CAST: variants seen among roughly 807,000 people sequenced by gnomAD.
The protein encoded by CAST is calpastatin.
In CAST, 76 loss-of-function variants were observed where a neutral mutation model predicts 119.6. The observed-to-expected ratio is 0.64, with a 90% CI of 0.53 to 0.77. The LOEUF (loss-of-function observed/expected upper bound fraction) is 0.77. Among genes scored for constraint, CAST ranks in the 30% least tolerant of loss-of-function variants. CAST has a pLI of 0.00. For synonymous variants in CAST, 319 were observed against 331.6 expected, an observed-to-expected ratio of 0.96 and a Z score of 0.41; for missense variants, 953 against 946.5, an observed-to-expected ratio of 1.01 and a Z score of -0.09.
chr5:96,519,634 TCTCA>T, the CAST span, among the ~76,000 whole-genome samples: 1 of 152,168 alleles, frequency 6.6e-6, no homozygotes, highest in African/African-American at 2.4e-5. Flanking sequence ...CAAGATGGTG[TCTCA>T]CTCTGTTGTC....
the CAST span, among the ~76,000 whole-genome samples, chr5:96,144,432 T>G: frequency 6.6e-6 from 1 of 152,192 alleles, no homozygotes; most frequent in Non-Finnish European, 1.5e-5. Context: ...TGACTTGCTT[T>G]GGGAAGCTCA....
chr5:96,090,668 G>A, the CAST span, among the ~76,000 whole-genome samples: 1 of 152,006 alleles, frequency 6.6e-6, no homozygotes, highest in Admixed American at 6.6e-5. Flanking sequence ...TAAAAATCAT[G>A]TCTGTGTTGG....
At chr5:96,722,951 T>C (rs1370917119) in intron 4 of CAST, among the ~76,000 whole-genome samples, 1 of 152,176 alleles carries the variant, frequency 6.6e-6, no homozygotes, top group Non-Finnish European at 1.5e-5. Context: ...TGTTTTGTTT[T>C]GTTTTGTTTT....
chr5:96,006,502 A>G, the CAST span, among the ~76,000 whole-genome samples: 9 of 152,322 alleles, frequency 5.9e-5, no homozygotes, highest in African/African-American at 1.9e-4. Context: ...GTCATCGAGC[A>G]CAATCATTTA....
the CAST span, among the ~76,000 whole-genome samples, chr5:96,300,070 CTGT>C: frequency 1.3e-5 from 2 of 152,042 alleles, no homozygotes; most frequent in African/African-American, 2.4e-5. Flanking sequence ...TCTCTTGATG[CTGT>C]TGTTTCCTCT....
the CAST span, among the ~76,000 whole-genome samples, chr5:96,096,486 G>A: frequency 2.0e-5 from 3 of 152,194 alleles, no homozygotes; most frequent in Admixed American, 2.0e-4. Flanking sequence ...CCAGGGAAAG[G>A]GAGGGGAACA....
chr5:95,982,037 G>A, the CAST span, among the ~76,000 whole-genome samples: 1 of 151,648 alleles, frequency 6.6e-6, no homozygotes, highest in Non-Finnish European at 1.5e-5. Context: ...CCATGGTTTT[G>A]ATATTGCATT....
At chr5:96,109,011 C>G in the CAST span, among the ~76,000 whole-genome samples, 2 of 152,244 alleles carry the variant, frequency 1.3e-5, no homozygotes, top group East Asian at 3.9e-4. Flanking sequence ...TCACCCCTTT[C>G]TTTGACTAGG....
chr5:96,399,388 T>G, the CAST span, among the ~76,000 whole-genome samples: 3 of 152,214 alleles, frequency 2.0e-5, no homozygotes, highest in Non-Finnish European at 4.4e-5. Context: ...GAGCAGGTCT[T>G]CAGTATTATT....
At chr5:96,568,518 T>TTGCACCAC (rs996806442) in intron 1 of CAST, among the ~76,000 whole-genome samples, 3 of 134,720 alleles carry the variant, frequency 2.2e-5, no homozygotes, top group African/African-American at 8.7e-5. Context: ...TGAGCCAAGA[T>TTGCACCAC]TGCACCACTG....
At chr5:96,540,454 G>C (rs1030894512) in intron 1 of CAST, among the ~76,000 whole-genome samples, 1 of 151,612 alleles carries the variant, frequency 6.6e-6, no homozygotes, top group Admixed American at 6.6e-5. Context: ...TTTATTTTTA[G>C]AGCAGTTTTA....
At chr5:96,513,736 T>C in the CAST span, among the ~76,000 whole-genome samples, 3 of 152,206 alleles carry the variant, frequency 2.0e-5, no homozygotes, top group African/African-American at 7.2e-5. Context: ...TCCTGATTTT[T>C]TTGAAAAATC....
the CAST span, among the ~76,000 whole-genome samples, chr5:96,449,365 C>G: frequency 6.6e-6 from 1 of 152,190 alleles, no homozygotes; most frequent in African/African-American, 2.4e-5. Flanking sequence ...AGCTCCGCCT[C>G]CTACTGCACA....
In CAST at chr5:96,774,118, A is replaced by C. The variant is rs1356888935; in HGVS notation, c.*1502A>C. The C allele has an allele frequency of 6.5e-6, 1 of 152,964 alleles. No individual in the cohort carries two copies. Among genetic ancestry groups the C allele is most frequent in the African/African-American group, 2.4e-5 (1 of 41,376 alleles). 9.5% of individuals were successfully genotyped at this position (152,964 alleles called of 1,614,324 possible). On this transcript the variant is annotated 3_prime_UTR_variant, in exon 32 of 32. Transcript: ENST00000675179. ...CACTTTTCCTGAGGGATTTCTAACC[A>C]TGTATCTAATCCTCCCATTTGGGCA...
intron 1 of CAST, among the ~76,000 whole-genome samples, chr5:96,615,401 C>T (rs1331088884): frequency 6.6e-6 from 1 of 152,252 alleles, no homozygotes; most frequent in East Asian, 1.9e-4. Context: ...CCATCTCTCC[C>T]ATTGACTCAG....
the CAST span, among the ~76,000 whole-genome samples, chr5:96,255,573 T>G: frequency 6.6e-6 from 1 of 152,148 alleles, no homozygotes; most frequent in Non-Finnish European, 1.5e-5. Context: ...AACTTTTTTT[T>G]TGTCTTGTCT....
the CAST span, among the ~76,000 whole-genome samples, chr5:96,046,824 C>T: frequency 7.0e-4 from 106 of 152,200 alleles, no homozygotes; most frequent in South Asian, 4.4e-3. Flanking sequence ...GCACTTCTTA[C>T]GTGGCAGCAG....
chr5:96,113,861 T>C, the CAST span, among the ~76,000 whole-genome samples: 1 of 152,224 alleles, frequency 6.6e-6, no homozygotes, highest in African/African-American at 2.4e-5. Context: ...AGTTTCGTTA[T>C]GTTATTTAAA....
At chr5:96,551,147 A>T (rs1746118233) in intron 1 of CAST, among the ~76,000 whole-genome samples, 2 of 152,222 alleles carry the variant, frequency 1.3e-5, no homozygotes, top group Admixed American at 1.3e-4. Context: ...GAAGAAAAAA[A>T]TGTTAAGGGC....
Sources: gnomAD v4.1 joint callset for allele counts (sites outside exome capture counted in the v4.1 genomes callset) on GRCh38, gnomAD v4.1.1 for gene constraint, MANE v1.5 for transcripts, NCBI Gene and HGNC (gene_info 2026-07-23, HGNC 2026-07-21) for gene names.